Variants in UGT2B7 observed in about 807,000 individuals in gnomAD.
The protein encoded by UGT2B7 is UDP-glucuronosyltransferase 2B7.
Under a neutral mutation model 51.9 loss-of-function variants are expected in UGT2B7, and 51 were observed. The observed-to-expected ratio is 0.98, with a 90% CI of 0.78 to 1.24. UGT2B7 has a LOEUF of 1.24. Ranked by LOEUF, UGT2B7 falls within the 50% of genes most tolerant of loss-of-function variation. The probability of loss-of-function intolerance (pLI) is 0.00; values close to 1 mark genes in which losing one functional copy is unlikely to be tolerated. For synonymous variants in UGT2B7, 225 were observed against 211.6 expected, an observed-to-expected ratio of 1.06 and a Z score of -0.55; for missense variants, 727 against 628.4, an observed-to-expected ratio of 1.16 and a Z score of -1.68.
chr4:69,062,847 C>T (rs1214013134), intron 1 of UGT2B7, among the ~76,000 whole-genome samples: 2 of 152,014 alleles, frequency 1.3e-5, no homozygotes, highest in Non-Finnish European at 2.9e-5. Flanking sequence ...AATCTTAGGC[C>T]CAGTAATCTT....
chr4:69,107,130 T>C lies in UGT2B7; in HGVS notation c.1003-45T>C, dbSNP rs1577926905. The C allele has an allele frequency of 6.3e-7, 1 of 1,579,078 alleles. No homozygotes were observed. The highest frequency in any genetic ancestry group is 8.7e-7 in the Non-Finnish European group (1 of 1,154,162). ...TATACAGTTCTCACATTCTATAACTTTTGAATTCCACTCATGGAATAAAAT... is the reference window on the plus strand; with the variant it reads ...TATACAGTTCTCACATTCTATAACTCTTGAATTCCACTCATGGAATAAAAT... On this transcript the variant is annotated intron_variant, in intron 3 of 5. Coordinates refer to ENST00000305231, the MANE Select transcript of UGT2B7 (RefSeq NM_001074.4).
intron 1 of UGT2B7, among the ~76,000 whole-genome samples, chr4:69,085,158 A>G (rs1198805903): frequency 1.3e-5 from 2 of 152,004 alleles, no homozygotes; most frequent in African/African-American, 4.8e-5. Flanking sequence ...TAATGACTGC[A>G]ATTCTAACTG....
intron 1 of UGT2B7, among the ~76,000 whole-genome samples, chr4:69,061,492 T>G (rs372211101): frequency 6.6e-6 from 1 of 152,102 alleles, no homozygotes; most frequent in African/African-American, 2.4e-5. Flanking sequence ...CTCCTGGAGA[T>G]TCCCCTTCCA....
At chr4:69,087,706 G>C (rs1317905310) in intron 1 of UGT2B7, among the ~76,000 whole-genome samples, 1 of 130,574 alleles carries the variant, frequency 7.7e-6, no homozygotes, top group Non-Finnish European at 1.6e-5. Flanking sequence ...GGTAGGCTCA[G>C]TATTTTTGCA....
intron 1 of UGT2B7, among the ~76,000 whole-genome samples, chr4:69,077,613 A>G (rs1271665663): frequency 6.6e-6 from 1 of 150,600 alleles, no homozygotes; most frequent in African/African-American, 2.5e-5. Context: ...AATGCTTGTG[A>G]TTTTTGCACA....
chr4:69,078,574 T>A (rs75749285), intron 1 of UGT2B7, among the ~76,000 whole-genome samples: 257 of 152,266 alleles, frequency 1.7e-3, no homozygotes, highest in Non-Finnish European at 3.1e-3. Flanking sequence ...ACTCCTGGGT[T>A]TAGAGGAGCC....
chr4:69,104,033 A>T (rs1719513822), intron 3 of UGT2B7, among the ~76,000 whole-genome samples: 1 of 152,170 alleles, frequency 6.6e-6, no homozygotes. Flanking sequence ...TCACGCCTGT[A>T]ATCCCAGTAT....
upstream of UGT2B7, among the ~76,000 whole-genome samples, chr4:69,093,286 C>A (rs1005725771): frequency 6.6e-6 from 1 of 152,124 alleles, no homozygotes; most frequent in Non-Finnish European, 1.5e-5. Flanking sequence ...CTTCTGTGGT[C>A]GATTTGGATG....
intron 1 of UGT2B7, among the ~76,000 whole-genome samples, chr4:69,076,713 T>A (rs1056215990): frequency 2.6e-5 from 4 of 152,288 alleles, no homozygotes; most frequent in South Asian, 2.1e-4. Context: ...ATTAAAAAAA[T>A]TTTTCCCATT....
intron 1 of UGT2B7, among the ~76,000 whole-genome samples, chr4:69,097,860 T>C (rs570221096): frequency 4.1e-4 from 63 of 152,196 alleles, no homozygotes; most frequent in African/African-American, 1.5e-3. Context: ...TGAAGGTTGT[T>C]ATATCTACAT....
chr4:69,058,059 G>C (rs1718247523), intron 1 of UGT2B7, among the ~76,000 whole-genome samples: 1 of 152,204 alleles, frequency 6.6e-6, no homozygotes, highest in Non-Finnish European at 1.5e-5. Flanking sequence ...AGAGTAATCA[G>C]CTGTGCTGGC....
rs1482586034 is a variant in UGT2B7 at position 69,096,697 on chromosome 4, A to C, written c.177A>C (p.Ser59=). ...RGHEVTVLAS[S]ASILFDPNNS... The stretch of plus-strand genomic sequence containing the variant: ...ATGAGGTGACTGTACTGGCATCTTC[A>C]GCTTCCATTCTTTTTGATCCCAACA... Residue 59 remains serine (S), a synonymous_variant, in exon 1 of 6, where the codon TCA becomes TCC. Coordinates refer to ENST00000305231, the MANE Select transcript of UGT2B7 (RefSeq NM_001074.4). The C allele has an allele frequency of 2.5e-6, 4 of 1,614,032 alleles. No individual in the cohort carries two copies. Among genetic ancestry groups the C allele is most frequent in the Non-Finnish European group, 3.4e-6 (4 of 1,179,936 alleles).
chr4:69,097,490 C>T (rs2109883996), intron 1 of UGT2B7, among the ~76,000 whole-genome samples: 1 of 152,204 alleles, frequency 6.6e-6, no homozygotes, highest in East Asian at 1.9e-4. Context: ...ATTAGTGCAT[C>T]TAAGACTTTA....
chr4:69,059,845 A>G (rs768778835), intron 1 of UGT2B7, among the ~76,000 whole-genome samples: 1 of 152,210 alleles, frequency 6.6e-6, no homozygotes, highest in Non-Finnish European at 1.5e-5. Flanking sequence ...GTGACCATCC[A>G]CCCAGTGGTG....
intron 1 of UGT2B7, among the ~76,000 whole-genome samples, chr4:69,057,668 G>C (rs527542667): frequency 3.3e-5 from 5 of 152,274 alleles, no homozygotes; most frequent in South Asian, 4.1e-4. Context: ...AACCGGGTCC[G>C]ACTGGTCTAA....
At chr4:69,080,017 C>G (rs907101557) in intron 1 of UGT2B7, among the ~76,000 whole-genome samples, 1 of 150,092 alleles carries the variant, frequency 6.7e-6, no homozygotes, top group Non-Finnish European at 1.5e-5. Context: ...GCATTTTTTC[C>G]CTGTGAAGTG....
chr4:69,094,284 C>T (rs1719161907), upstream of UGT2B7, among the ~76,000 whole-genome samples: 1 of 84,834 alleles, frequency 1.2e-5, no homozygotes, highest in South Asian at 4.4e-4. Context: ...GGACTACAGG[C>T]GCCCGCTACC....
upstream of UGT2B7, among the ~76,000 whole-genome samples, chr4:69,096,081 TA>T (rs1719214419): frequency 2.0e-5 from 3 of 152,194 alleles, no homozygotes; most frequent in South Asian, 6.2e-4. Flanking sequence ...TTTTACACAA[TA>T]ATTGATAAAT....
At chr4:69,105,146 C>T (rs1243258479) in intron 3 of UGT2B7, among the ~76,000 whole-genome samples, 1 of 152,074 alleles carries the variant, frequency 6.6e-6, no homozygotes, top group Non-Finnish European at 1.5e-5. Context: ...CACAAGGACT[C>T]TGCACTATCA....
Sources: gnomAD v4.1 joint callset for allele counts (sites outside exome capture counted in the v4.1 genomes callset) on GRCh38, gnomAD v4.1.1 for gene constraint, MANE v1.5 for transcripts, NCBI Gene and HGNC (gene_info 2026-07-23, HGNC 2026-07-21) for gene names.